Variants in AGBL4 observed in about 807,000 individuals in gnomAD.
The protein encoded by AGBL4 is AGBL carboxypeptidase 4, also known as cytosolic carboxypeptidase 6.
In AGBL4, 58 loss-of-function variants were observed where a neutral mutation model predicts 66.4. The observed-to-expected ratio is 0.87, with a 90% CI of 0.71 to 1.09. The LOEUF is 1.09. AGBL4 is among the 50% of genes least tolerant of loss of function. The probability of loss-of-function intolerance (pLI) is 0.00; values close to 1 mark genes in which losing one functional copy is unlikely to be tolerated. For synonymous variants in AGBL4, 234 were observed against 222.9 expected, an observed-to-expected ratio of 1.05 and a Z score of -0.44; for missense variants, 579 against 631.0, an observed-to-expected ratio of 0.92 and a Z score of 0.88.
chr1:48,719,387 G>A (rs910718138), intron 6 of AGBL4, among the ~76,000 whole-genome samples: 1 of 152,070 alleles, frequency 6.6e-6, no homozygotes, highest in Non-Finnish European at 1.5e-5. Flanking sequence ...AAGGGGGGTG[G>A]GCATCTGCCC....
intron 5 of AGBL4, among the ~76,000 whole-genome samples, chr1:48,912,796 G>T (rs1653253650): frequency 6.6e-6 from 1 of 152,122 alleles, no homozygotes; most frequent in South Asian, 2.1e-4. Context: ...CTAGGAGCTT[G>T]GCACAACAGT....
chr1:49,208,301 T>C (rs1338581750), intron 4 of AGBL4, among the ~76,000 whole-genome samples: 2 of 152,004 alleles, frequency 1.3e-5, no homozygotes, highest in Non-Finnish European at 2.9e-5. Context: ...ACACTAAAAA[T>C]TGATTTTTTT....
intron 3 of AGBL4, among the ~76,000 whole-genome samples, chr1:49,247,305 T>G (rs1381013748): frequency 2.0e-5 from 3 of 152,124 alleles, no homozygotes; most frequent in Admixed American, 2.0e-4. Flanking sequence ...TATAATAAAA[T>G]GCTTTGTTCC....
intron 4 of AGBL4, among the ~76,000 whole-genome samples, chr1:49,047,128 G>A (rs1275325283): frequency 6.6e-6 from 1 of 152,168 alleles, no homozygotes; most frequent in East Asian, 1.9e-4. Context: ...GCCAGGGTGG[G>A]AGGTGTGGCT....
chr1:48,624,304 G>A (rs191571596), intron 9 of AGBL4, among the ~76,000 whole-genome samples: 13 of 152,290 alleles, frequency 8.5e-5, no homozygotes, highest in African/African-American at 3.1e-4. Context: ...ATTTCTCTGG[G>A]ATGTTTCAGT....
chr1:49,323,127 C>G (rs551714355), intron 3 of AGBL4, among the ~76,000 whole-genome samples: 1 of 152,296 alleles, frequency 6.6e-6, no homozygotes, highest in African/African-American at 2.4e-5. Flanking sequence ...TGTAAACACA[C>G]TCATTGTAAA....
At chr1:48,761,487 G>C in intron 6 of AGBL4, 3 of 1,548,142 alleles carry the variant, frequency 1.9e-6, no homozygotes, top group Non-Finnish European at 2.6e-6. Context: ...TGCATATCAA[G>C]AGAACAAGGT....
intron 4 of AGBL4, among the ~76,000 whole-genome samples, chr1:49,100,074 C>G (rs1645173507): frequency 6.6e-6 from 1 of 152,026 alleles, no homozygotes; most frequent in Non-Finnish European, 1.5e-5. Context: ...CTCCATGAAG[C>G]AAAAACTGAA....
At chr1:49,384,320 T>A (rs1278091691) in intron 3 of AGBL4, among the ~76,000 whole-genome samples, 1 of 151,902 alleles carries the variant, frequency 6.6e-6, no homozygotes, top group Non-Finnish European at 1.5e-5. Flanking sequence ...GCGGCTGGGC[T>A]CGGTGGCTCA....
chr1:48,661,529 G>C (rs1017777494), intron 7 of AGBL4, among the ~76,000 whole-genome samples: 4 of 152,226 alleles, frequency 2.6e-5, no homozygotes, highest in African/African-American at 9.6e-5. Context: ...GGCATTGAAA[G>C]ACTCTGTCAA....
chr1:49,971,588 G>C (rs946825079), intron 1 of AGBL4, among the ~76,000 whole-genome samples: 1 of 152,078 alleles, frequency 6.6e-6, no homozygotes, highest in Non-Finnish European at 1.5e-5. Context: ...TCTTCTAGCT[G>C]AAACTATGAA....
chr1:49,319,093 T>C lies in AGBL4; in HGVS notation c.283-73229A>G, dbSNP rs568835517. Among the ~76,000 whole-genome samples, 9 of 152,322 alleles carry C rather than the reference T, an allele frequency of 5.9e-5. No homozygotes were observed. In the East Asian group the frequency reaches 1.7e-3, roughly 29 times the overall value. On this transcript the variant is annotated intron_variant, in intron 3 of 13. Transcript: ENST00000371839. ...TACTAAAGTTTTTATTTATGAAATA[T>C]GTATGTACAATGCTGAACACTTTAT...
At chr1:49,742,970 C>T (rs933770955) in intron 2 of AGBL4, among the ~76,000 whole-genome samples, 5 of 152,152 alleles carry the variant, frequency 3.3e-5, no homozygotes, top group Admixed American at 2.6e-4. Context: ...CTACGCAATA[C>T]CATTCAGGAC....
At chr1:48,995,082 C>T (rs1660898928) in intron 5 of AGBL4, among the ~76,000 whole-genome samples, 1 of 152,208 alleles carries the variant, frequency 6.6e-6, no homozygotes, top group South Asian at 2.1e-4. Flanking sequence ...GAGCCTACTA[C>T]ATAAACTGGT....
chr1:49,774,833 A>T (rs943549687), intron 2 of AGBL4, among the ~76,000 whole-genome samples: 5 of 152,210 alleles, frequency 3.3e-5, no homozygotes, highest in Non-Finnish European at 5.9e-5. Context: ...CTCATATGAC[A>T]AAGTATAAAA....
intron 12 of AGBL4, among the ~76,000 whole-genome samples, chr1:48,539,378 C>G (rs577253639): frequency 6.6e-6 from 1 of 152,138 alleles, no homozygotes; most frequent in African/African-American, 2.4e-5. Flanking sequence ...GAACTCAGCT[C>G]CCCAGCAAGC....
At chr1:49,868,385 A>C (rs1363738052) in intron 1 of AGBL4, among the ~76,000 whole-genome samples, 1 of 152,218 alleles carries the variant, frequency 6.6e-6, no homozygotes, top group African/African-American at 2.4e-5. Context: ...CTACACTACA[A>C]GGCTAAAGTA....
chr1:49,124,772 A>C (rs1285576929), intron 4 of AGBL4, among the ~76,000 whole-genome samples: 1 of 152,232 alleles, frequency 6.6e-6, no homozygotes, highest in Admixed American at 6.5e-5. Flanking sequence ...TGCTCCAACT[A>C]TCTCTGAAAT....
At chr1:49,658,550 C>T (rs1187205441) in intron 3 of AGBL4, among the ~76,000 whole-genome samples, 2 of 152,178 alleles carry the variant, frequency 1.3e-5, no homozygotes, top group East Asian at 1.9e-4. Flanking sequence ...TATAAAGACA[C>T]ATGCACACAT....
Sources: gnomAD v4.1 joint callset for allele counts (sites outside exome capture counted in the v4.1 genomes callset) on GRCh38, gnomAD v4.1.1 for gene constraint, MANE v1.5 for transcripts, NCBI Gene and HGNC (gene_info 2026-07-23, HGNC 2026-07-21) for gene names.